Variants in RPL22 observed in about 807,000 individuals in gnomAD.
RPL22 encodes the protein large ribosomal subunit protein eL22.
Under a neutral mutation model 16.2 loss-of-function variants are expected in RPL22, and 4 were observed. The ratio of observed to expected loss-of-function variants is 0.25; its 90% CI spans 0.12 to 0.57. The LOEUF (loss-of-function observed/expected upper bound fraction) is 0.57. Among genes scored for constraint, RPL22 ranks in the 20% least tolerant of loss-of-function variants. RPL22 has a pLI of 0.92. For synonymous variants in RPL22, 43 were observed against 54.8 expected (o/e 0.78, Z 0.95); for missense variants, 83 against 156.1 (o/e 0.53, Z 2.49).
intron 1 of RPL22, chr1:6,197,980 T>G: frequency 1.7e-6 from 1 of 573,008 alleles, no homozygotes; most frequent in Non-Finnish European, 3.1e-6. Flanking sequence ...CATGCCCTTT[T>G]GATGGGGAAA....
At position 6,199,590 on chromosome 1, in the gene RPL22, G is replaced by A. The variant is rs1192827700; in HGVS notation, c.-17C>T. On this transcript the variant is annotated 5_prime_UTR_variant, in exon 1 of 4. Transcript: ENST00000234875. The stretch of plus-strand genomic sequence containing the variant: ...AGGAGCCATGGCGGCAGCGGAGTTA[G>A]AAAGGGAGGTGAGCGAACTACGCAG... The A allele has an allele frequency of 3.2e-6, 5 of 1,567,278 alleles. No individual in the cohort carries two copies. The highest frequency in any genetic ancestry group is 1.2e-5 in the South Asian group (1 of 85,066).
chr1:6,191,511 C>T (rs920612034), intron 3 of RPL22, among the ~76,000 whole-genome samples: 1 of 109,992 alleles, frequency 9.1e-6, no homozygotes, highest in South Asian at 2.9e-4. Flanking sequence ...ACTAAAAATA[C>T]AAAAAAAAAA....
At chr1:6,199,389 C>T (rs898083994) in intron 1 of RPL22, 173 bp downstream of exon 1, 15 of 1,340,416 alleles carry the variant, frequency 1.1e-5, no homozygotes, top group Admixed American at 3.2e-5. Context: ...CGGCCTCCTC[C>T]GCCTACAACG....
rs1301840949 is a variant in RPL22, at chr1:6,186,216, A to G, written c.*456T>C. 2 of 237,556 alleles carry G rather than the reference A, an allele frequency of 8.4e-6. No homozygotes were observed. Among genetic ancestry groups the G allele is most frequent in the African/African-American group, 4.4e-5 (2 of 45,400 alleles). 14.7% of individuals were successfully genotyped at this position (237,556 alleles called of 1,614,324 possible). A position where few individuals can be genotyped will look rare whatever the true frequency, so the allele number is the denominator to read the frequency against. ...GTAATCAAAAAATGAAAGTAAGACG[A>G]ATGGCCCAGAAACCCGCATTTTATT... On this transcript the variant is annotated 3_prime_UTR_variant, in exon 4 of 4. Coordinates refer to ENST00000234875, the MANE Select transcript of RPL22 (RefSeq NM_000983.4).
chr1:6,199,215 T>G, intron 1 of RPL22: 2 of 312,200 alleles, frequency 6.4e-6, no homozygotes, highest in East Asian at 1.1e-4. Flanking sequence ...GCAGGTCCCG[T>G]TCTTCTTCCC....
chr1:6,191,359 CAAAAAAAAAAAAAA>C (rs769446432), intron 3 of RPL22, among the ~76,000 whole-genome samples: 1 of 32,416 alleles, frequency 3.1e-5, no homozygotes, highest in Non-Finnish European at 5.6e-5. Flanking sequence ...GACTCCGTCT[CAAAAAAAAAAAAAA>C]AAAAAAAAAA....
chr1:6,196,022 C>T (rs1198644297), intron 2 of RPL22, among the ~76,000 whole-genome samples: 1 of 152,176 alleles, frequency 6.6e-6, no homozygotes, highest in Non-Finnish European at 1.5e-5. Flanking sequence ...GAGACTGCAC[C>T]ATTGCACTCC....
In RPL22 at chr1:6,185,517, G is replaced by A. The variant is rs1667573075; in HGVS notation, c.*1155C>T. Reference sequence around the variant, plus strand: ...GTTTAATGGGAGCCAAGGTAGGACTGAGCATTGAACTTCCAGCTATGCAAC... The same window carrying A: ...GTTTAATGGGAGCCAAGGTAGGACTAAGCATTGAACTTCCAGCTATGCAAC... On this transcript the variant is annotated 3_prime_UTR_variant, in exon 4 of 4. Coordinates refer to ENST00000234875, the MANE Select transcript of RPL22 (RefSeq NM_000983.4). 1 of 396,876 alleles carries A rather than the reference G, an allele frequency of 2.5e-6. No homozygotes were observed. The highest frequency in any genetic ancestry group is 4.4e-6 in the Non-Finnish European group (1 of 225,184). The allele number at this position is 396,876 out of a possible 1,614,324, so 24.6% of individuals were successfully genotyped here. A position where few individuals can be genotyped will look rare whatever the true frequency, so the allele number is the denominator to read the frequency against.
chr1:6,191,114 C>T (rs1667643829), intron 3 of RPL22, among the ~76,000 whole-genome samples: 1 of 151,692 alleles, frequency 6.6e-6, no homozygotes, highest in African/African-American at 2.4e-5. Context: ...AATCCCAGCA[C>T]TTTGGGAGGC....
At position 6,199,493 on chromosome 1, in the gene RPL22, T is replaced by G. The variant is rs932307010; in HGVS notation, c.12+69A>C. The G allele has an allele frequency of 5.2e-6, 8 of 1,540,776 alleles. No individual in the cohort carries two copies. In the East Asian group the frequency reaches 1.5e-4, roughly 28 times the overall value. On this transcript the variant is annotated intron_variant, in intron 1 of 3. Coordinates refer to ENST00000234875, the MANE Select transcript of RPL22 (RefSeq NM_000983.4). ...GGGCGCCGTCCCCAGCGAGCCTGGG[T>G]AGATGCCGGGCTCGGCGAGGCCCAC...
chr1:6,198,453 A>G (rs986683726), intron 1 of RPL22: 1 of 152,316 alleles, frequency 6.6e-6, no homozygotes, highest in African/African-American at 2.4e-5. Flanking sequence ...ACAAGGTTCC[A>G]GTTTCTTCAC....
intron 2 of RPL22, among the ~76,000 whole-genome samples, chr1:6,197,336 TG>T (rs1667733385): frequency 1.3e-5 from 2 of 152,224 alleles, no homozygotes; most frequent in Non-Finnish European, 2.9e-5. Flanking sequence ...GGCTTGTTTC[TG>T]GGTAACTTTT....
rs1333329121 is a variant in RPL22 at position 6,199,551 on chromosome 1, G to A, written c.12+11C>T. ...CCCTGGAGCCGAGGCCTCACGCGGA[G>A]CCATACTAACCACAGGAGCCATGGC... On this transcript the variant is annotated intron_variant, in intron 1 of 3. Transcript: ENST00000234875. 3 of 1,562,794 alleles carry A rather than the reference G, an allele frequency of 1.9e-6. No homozygotes were observed. Among genetic ancestry groups the A allele is most frequent in the Admixed American group, 1.9e-5 (1 of 52,406 alleles).
chr1:6,196,134 A>G (rs1051428390), intron 2 of RPL22, among the ~76,000 whole-genome samples: 5 of 152,244 alleles, frequency 3.3e-5, no homozygotes, highest in Admixed American at 1.3e-4. Flanking sequence ...CAGAGTGATT[A>G]GGTCAGAAAT....
chr1:6,198,912 T>G (rs899668550), intron 1 of RPL22: 1 of 152,204 alleles, frequency 6.6e-6, no homozygotes, highest in African/African-American at 2.4e-5. Flanking sequence ...AGTAGGATCT[T>G]GGGACGAAGA....
chr1:6,198,172 A>C (rs1186671634), intron 1 of RPL22: 14 of 195,798 alleles, frequency 7.2e-5, no homozygotes, highest in Non-Finnish European at 8.5e-5. Context: ...AATGCCTTGC[A>C]TACCCACAAT....
At chr1:6,199,521 G>A (rs1335024239) in intron 1 of RPL22, 41 bp downstream of exon 1, 1 of 1,551,540 alleles carries the variant, frequency 6.4e-7, no homozygotes, top group Non-Finnish European at 8.7e-7. Flanking sequence ...AGGCCCACGT[G>A]CCTCCCCTGG....
chr1:6,185,550 G>A lies in RPL22; in HGVS notation c.*1122C>T, dbSNP rs541948109. The A allele has an allele frequency of 6.6e-4, 262 of 395,040 alleles. No homozygotes were observed. The highest frequency in any genetic ancestry group is 4.9e-3 in the African/African-American group (238 of 48,664). 24.5% of individuals were successfully genotyped at this position (395,040 alleles called of 1,614,324 possible). ...AACTTCCAGCTATGCAACTCGCAGG[G>A]CACAATTTCAAGTGTGGAAACCATC... On this transcript the variant is annotated 3_prime_UTR_variant, in exon 4 of 4. Transcript: ENST00000234875.
intron 2 of RPL22, among the ~76,000 whole-genome samples, chr1:6,194,767 G>C (rs1394587241): frequency 6.6e-6 from 1 of 152,038 alleles, no homozygotes; most frequent in Non-Finnish European, 1.5e-5. Flanking sequence ...GCATGCCTGT[G>C]GTGCCAGCTA....
Sources: gnomAD v4.1 joint callset for allele counts (sites outside exome capture counted in the v4.1 genomes callset) on GRCh38, gnomAD v4.1.1 for gene constraint, MANE v1.5 for transcripts, NCBI Gene and HGNC (gene_info 2026-07-23, HGNC 2026-07-21) for gene names.